The following MAPK10 variants were observed in gnomAD, a reference collection of about 807,000 sequenced individuals.
The protein encoded by MAPK10 is JNK3 alpha protein kinase.
Under a neutral mutation model 59.3 loss-of-function variants are expected in MAPK10, and 25 were observed. That is an observed-to-expected ratio of 0.42 (90% CI 0.31 to 0.59). The LOEUF is 0.59. MAPK10 is among the 20% of genes least tolerant of loss of function. MAPK10 has a pLI of 0.15. For synonymous variants in MAPK10, 190 were observed against 200.5 expected, an observed-to-expected ratio of 0.95 and a Z score of 0.44; for missense variants, 351 against 568.9, an observed-to-expected ratio of 0.62 and a Z score of 3.90.
At chr4:86,279,863 C>T (rs1484178080) in intron 2 of MAPK10, among the ~76,000 whole-genome samples, 1 of 152,168 alleles carries the variant, frequency 6.6e-6, no homozygotes, top group Non-Finnish European at 1.5e-5. Flanking sequence ...TGTTTCCCGC[C>T]CATCTTCCAA....
chr4:86,290,885 T>C (rs2095204032), intron 2 of MAPK10, among the ~76,000 whole-genome samples: 1 of 152,198 alleles, frequency 6.6e-6, no homozygotes, highest in South Asian at 2.1e-4. Context: ...TGCATATGTC[T>C]TTAAAATGTT....
At chr4:86,578,904 C>T (rs560608491) in intron 1 of MAPK10, among the ~76,000 whole-genome samples, 5 of 152,178 alleles carry the variant, frequency 3.3e-5, no homozygotes, top group Admixed American at 3.3e-4. Flanking sequence ...CCAACTCTAT[C>T]ATTACATATA....
At chr4:86,351,405 AC>A (rs1174842906) in intron 2 of MAPK10, among the ~76,000 whole-genome samples, 4 of 150,618 alleles carry the variant, frequency 2.7e-5, no homozygotes, top group Admixed American at 6.6e-5. Flanking sequence ...AAACACACAC[AC>A]ACACACACAC....
intron 4 of MAPK10, among the ~76,000 whole-genome samples, chr4:86,120,754 C>G (rs1166895985): frequency 6.6e-6 from 1 of 152,124 alleles, no homozygotes; most frequent in Non-Finnish European, 1.5e-5. Flanking sequence ...ATTCACAAAG[C>G]TGCCAGGCTG....
At chr4:86,269,097 G>T (rs541871152) in intron 2 of MAPK10, among the ~76,000 whole-genome samples, 17 of 152,028 alleles carry the variant, frequency 1.1e-4, no homozygotes, top group African/African-American at 3.6e-4. Flanking sequence ...GCTATATGAA[G>T]GTGAAAGTAA....
intron 9 of MAPK10, among the ~76,000 whole-genome samples, chr4:86,097,282 A>C (rs902149243): frequency 2.0e-5 from 3 of 152,106 alleles, no homozygotes; most frequent in African/African-American, 4.8e-5. Context: ...CATCACTCTT[A>C]CATTACTAGT....
intron 1 of MAPK10, among the ~76,000 whole-genome samples, chr4:86,569,501 C>T (rs1211166746): frequency 1.3e-5 from 2 of 152,052 alleles, no homozygotes; most frequent in South Asian, 2.1e-4. Flanking sequence ...CAGCTGCACT[C>T]GTATGCTTAT....
chr4:86,285,845 A>G (rs1178709592), intron 2 of MAPK10, among the ~76,000 whole-genome samples: 1 of 152,194 alleles, frequency 6.6e-6, no homozygotes, highest in South Asian at 2.1e-4. Flanking sequence ...ATGAGTCCCA[A>G]TCCAACTCCA....
At position 86,311,035 on chromosome 4, in the gene MAPK10, TAC is replaced by T. The variant is rs143712904; in HGVS notation, c.-7+43493_-7+43494del. On this transcript the variant is annotated intron_variant, in intron 2 of 13. Coordinates refer to ENST00000641462, the MANE Select transcript of MAPK10 (RefSeq NM_138982.4). ...ACTATATGATTACACAGTTTTAAGT[TAC>T]ACACACACACACACACACACACACA... 7.3e-3 allele frequency among the ~76,000 whole-genome samples: 1,026 copies of T among 141,432 alleles called. 5 individuals carry two copies. The highest frequency in any genetic ancestry group is 0.014 in the Middle Eastern group (4 of 282). The allele number at this position is 141,432 out of a possible 152,430, so 92.8% of individuals were successfully genotyped here.
At chr4:86,162,393 G>C (rs1011881123) in intron 3 of MAPK10, among the ~76,000 whole-genome samples, 1 of 151,958 alleles carries the variant, frequency 6.6e-6, no homozygotes. Flanking sequence ...TAACTATTTT[G>C]AGATAATTAT....
chr4:86,414,165 C>T (rs1193548166), intron 1 of MAPK10, among the ~76,000 whole-genome samples: 1 of 152,050 alleles, frequency 6.6e-6, no homozygotes, highest in Non-Finnish European at 1.5e-5. Flanking sequence ...ATCCTAACAA[C>T]CATTCTACCC....
chr4:86,183,779 C>T lies in MAPK10; in HGVS notation c.66+10557G>A, dbSNP rs547298043. ...CAACAGTGTAAAAGTGTTCCTATTT[C>T]TCCACATCCTCTCCAGCACCTGTTG... On this transcript the variant is annotated intron_variant, in intron 3 of 13. Transcript: ENST00000641462. 2.0e-5 allele frequency among the ~76,000 whole-genome samples: 3 copies of T among 152,328 alleles called. No individual in the cohort carries two copies. In the East Asian group the frequency reaches 5.8e-4, roughly 29 times the overall value.
At chr4:86,485,033 G>A (rs751403678) in intron 1 of MAPK10, among the ~76,000 whole-genome samples, 8 of 152,160 alleles carry the variant, frequency 5.3e-5, no homozygotes, top group African/African-American at 7.2e-5. Context: ...TTACAAGGTC[G>A]GATGAATAGG....
intron 1 of MAPK10, among the ~76,000 whole-genome samples, chr4:86,563,990 C>G (rs987465082): frequency 6.6e-6 from 1 of 152,116 alleles, no homozygotes; most frequent in Non-Finnish European, 1.5e-5. Context: ...TGCCACCACA[C>G]CCGGCTAATT....
At chr4:86,307,600 G>T (rs1165401464) in intron 2 of MAPK10, among the ~76,000 whole-genome samples, 1 of 152,066 alleles carries the variant, frequency 6.6e-6, no homozygotes, top group Non-Finnish European at 1.5e-5. Context: ...TGAGAACCAA[G>T]GTTATCCCAG....
chr4:86,407,590 T>G (rs1031275688), intron 1 of MAPK10, among the ~76,000 whole-genome samples: 16 of 152,308 alleles, frequency 1.1e-4, no homozygotes, highest in Admixed American at 3.3e-4. Flanking sequence ...CTGTCTGTCT[T>G]CCCTATTAAA....
intron 2 of MAPK10, chr4:86,268,299 A>G (rs1648412400): frequency 6.6e-6 from 1 of 152,216 alleles, no homozygotes; most frequent in Non-Finnish European, 1.5e-5. Context: ...CCATCTTCTC[A>G]CCATCTTTAC....
intron 1 of MAPK10, among the ~76,000 whole-genome samples, chr4:86,471,344 T>C (rs1050922905): frequency 4.7e-5 from 7 of 149,806 alleles, no homozygotes; most frequent in East Asian, 1.9e-4. Flanking sequence ...TGTGATCATA[T>C]GGAGAAATTA....
chr4:86,527,312 C>CAAAA lies in MAPK10; in HGVS notation c.-263+66594_-263+66597dup, dbSNP rs57390422. ...GAGCAACAGAGTGAGACACTGTTGC[C>CAAAA]AAAAAAAAAAAAAAAAAAAAAAAAA... On this transcript the variant is annotated intron_variant, in intron 1 of 4. Coordinates refer to the MAPK10 transcript ENST00000502302. Among the ~76,000 whole-genome samples, 22 of 16,196 alleles carry CAAAA rather than the reference C, an allele frequency of 1.4e-3. 4 individuals carry two copies. Among genetic ancestry groups the CAAAA allele is most frequent in the Non-Finnish European group, 2.8e-3 (20 of 7,144 alleles). 10.6% of individuals were successfully genotyped at this position (16,196 alleles called of 152,430 possible). A position where few individuals can be genotyped will look rare whatever the true frequency, so the allele number is the denominator to read the frequency against.
Sources: allele counts gnomAD v4.1 joint callset (sites outside exome capture counted in the v4.1 genomes callset), GRCh38; gene constraint gnomAD v4.1.1; transcripts MANE v1.5; gene names NCBI Gene and HGNC (gene_info 2026-07-23, HGNC 2026-07-21).